The following PIGN variants were observed in gnomAD, a reference collection of about 807,000 sequenced individuals.
PIGN encodes GPI ethanolamine phosphate transferase 1.
In PIGN, 117 loss-of-function variants were observed where a neutral mutation model predicts 125.4. That is an observed-to-expected ratio of 0.93 (90% CI 0.80 to 1.09). The LOEUF (loss-of-function observed/expected upper bound fraction) is 1.09, where lower values mean the gene tolerates loss of function less well. Ranked by LOEUF, PIGN falls within the 50% of genes least tolerant of loss-of-function variation. The pLI, the probability that PIGN is intolerant of heterozygous loss-of-function variation, is 0.00. For missense variants in PIGN, 1,075 were observed against 1,094.9 expected, an observed-to-expected ratio of 0.98 and a Z score of 0.26; for synonymous variants, 392 against 377.8, an observed-to-expected ratio of 1.04 and a Z score of -0.44.
In PIGN at chr18:62,056,054, TAAA is replaced by T. The variant is rs766579368; in HGVS notation, c.2673-10078_2673-10076del. ...CAAAAGTAATTGTGGTTTTTGCCAC[TAAA>T]AAAAAAAAAAAAGGCAAAAACCGCA... is the stretch of plus-strand genomic sequence containing the variant. On this transcript the variant is annotated intron_variant, in intron 30 of 30. Coordinates refer to ENST00000640252, the MANE Select transcript of PIGN (RefSeq NM_176787.5). 1.5e-4 allele frequency among the ~76,000 whole-genome samples: 15 copies of T among 97,888 alleles called. No homozygotes were observed. In the East Asian group the frequency reaches 1.6e-3, roughly 11 times the overall value. 64.2% of individuals were successfully genotyped at this position (97,888 alleles called of 152,430 possible). A position where few individuals can be genotyped will look rare whatever the true frequency, so the allele number is the denominator to read the frequency against.
intron 14 of PIGN, among the ~76,000 whole-genome samples, chr18:62,121,750 T>A (rs1322903961): frequency 6.6e-6 from 1 of 152,182 alleles, no homozygotes; most frequent in Non-Finnish European, 1.5e-5. Context: ...TATACCATAT[T>A]TTCTTTATCC....
intron 6 of PIGN, among the ~76,000 whole-genome samples, chr18:62,156,863 C>G (rs1568239297): frequency 6.6e-6 from 1 of 151,948 alleles, no homozygotes; most frequent in Non-Finnish European, 1.5e-5. Flanking sequence ...ATAAATTGCT[C>G]AAGATTATAT....
At chr18:62,123,626 C>T (rs865971934) in intron 14 of PIGN, 5 of 152,078 alleles carry the variant, frequency 3.3e-5, no homozygotes, top group Admixed American at 3.3e-4. Context: ...ATTCATTTCA[C>T]CTTTTGAATT....
At chr18:62,164,676 C>T (rs1187467738) in intron 1 of PIGN, among the ~76,000 whole-genome samples, 3 of 152,116 alleles carry the variant, frequency 2.0e-5, no homozygotes, top group African/African-American at 7.2e-5. Context: ...GGTGGGGACG[C>T]AGAGCCAAAC....
intron 1 of PIGN, chr18:62,174,540 T>A (rs1404400869): frequency 1.3e-5 from 2 of 152,198 alleles, no homozygotes; most frequent in Non-Finnish European, 2.9e-5. Flanking sequence ...CAGCTCATAC[T>A]GTTATTTAAT....
At position 62,108,807 on chromosome 18, in the gene PIGN, C is replaced by T. The variant is rs187773635; in HGVS notation, c.1574+1027G>A. Among the ~76,000 whole-genome samples the T allele has an allele frequency of 6.6e-3, 1,003 of 152,210 alleles. 6 individuals carry two copies. The highest frequency in any genetic ancestry group is 0.011 in the Non-Finnish European group (725 of 68,000). ...TTTGCCATGTTGGTCAGGCTGGTCTCGAACTCCTGACCTCAAGTGATCCAC... is the reference window on the plus strand; with the variant it reads ...TTTGCCATGTTGGTCAGGCTGGTCTTGAACTCCTGACCTCAAGTGATCCAC... On this transcript the variant is annotated intron_variant, in intron 17 of 30. Transcript: ENST00000640252.
intron 12 of PIGN, among the ~76,000 whole-genome samples, chr18:62,139,959 T>A (rs2036075335): frequency 6.6e-6 from 1 of 152,158 alleles, no homozygotes; most frequent in South Asian, 2.1e-4. Context: ...TAATTTCCCT[T>A]TAAACGAAGT....
chr18:62,137,002 C>T (rs7240812), intron 14 of PIGN: 468 of 398,096 alleles, frequency 1.2e-3, no homozygotes, highest in African/African-American at 8.7e-3. Flanking sequence ...AAGTATTGTT[C>T]CTGGGTATGT....
At position 62,028,159 on chromosome 18, in the gene PIGN, A is replaced by C. The variant is rs140344148; in HGVS notation, c.2143-10418T>G. On this transcript the variant is annotated intron_variant, in intron 23 of 24. Transcript: ENST00000639600. ...TCCCCTAGCTTCTCGTGACAATGAC[A>C]GCGGAGATGATAAGAACAGCTGACA... Among the ~76,000 whole-genome samples the C allele has an allele frequency of 1.9e-3, 289 of 152,328 alleles. 1 individual carries two copies. The highest frequency in any genetic ancestry group is 6.3e-3 in the African/African-American group (264 of 41,592).
chr18:62,186,440 G>A (rs971243761), intron 1 of PIGN: 6 of 152,260 alleles, frequency 3.9e-5, no homozygotes, highest in African/African-American at 1.4e-4. Context: ...GGTCCCTGTT[G>A]TGTAAATCGT....
intron 30 of PIGN, among the ~76,000 whole-genome samples, chr18:62,055,995 C>T (rs569669248): frequency 4.1e-4 from 60 of 146,868 alleles, no homozygotes; most frequent in Non-Finnish European, 7.2e-4. Flanking sequence ...TATGTTACCC[C>T]GGCAAATTTA....
chr18:62,076,650 A>C (rs994808090), intron 28 of PIGN, among the ~76,000 whole-genome samples: 1 of 152,176 alleles, frequency 6.6e-6, no homozygotes, highest in African/African-American at 2.4e-5. Context: ...TTTTTGAATA[A>C]AGTGTGAGGT....
At chr18:62,061,037 G>C (rs541577781) in intron 30 of PIGN, among the ~76,000 whole-genome samples, 1 of 152,262 alleles carries the variant, frequency 6.6e-6, no homozygotes, top group East Asian at 1.9e-4. Context: ...CGATGCCACA[G>C]GTTCTCAAGA....
chr18:62,054,320 A>G (rs2031552681), intron 30 of PIGN, among the ~76,000 whole-genome samples: 1 of 152,014 alleles, frequency 6.6e-6, no homozygotes, highest in Admixed American at 6.6e-5. Flanking sequence ...CCTAGTCTTA[A>G]TACAAAAAGC....
At chr18:62,071,788 CA>C (rs1181017819) in intron 30 of PIGN, among the ~76,000 whole-genome samples, 1 of 148,156 alleles carries the variant, frequency 6.7e-6, no homozygotes, top group Non-Finnish European at 1.5e-5. Flanking sequence ...CTGATAATGA[CA>C]ATAAACAACT....
chr18:62,065,461 G>T (rs538217247), intron 30 of PIGN, among the ~76,000 whole-genome samples: 2 of 152,120 alleles, frequency 1.3e-5, no homozygotes, highest in South Asian at 4.1e-4. Flanking sequence ...AGGCTTGGCG[G>T]GGCGTGGTGG....
rs2030442689 is a variant in PIGN, at chr18:62,043,064, A to T, written c.*2792T>A. ...AAAACAGTAAGGGGAATGTCAACAT[A>T]AAAAAGAACAACTACGAAAAGGTGA... On this transcript the variant is annotated 3_prime_UTR_variant, in exon 31 of 31. Coordinates refer to ENST00000640252, the MANE Select transcript of PIGN (RefSeq NM_176787.5). 1.3e-5 allele frequency: 2 copies of T among 152,214 alleles called. No homozygotes were observed. Among genetic ancestry groups the T allele is most frequent in the Non-Finnish European group, 2.9e-5 (2 of 68,034 alleles). 9.4% of individuals were successfully genotyped at this position (152,214 alleles called of 1,614,324 possible).
chr18:62,142,007 G>A (rs1488087676), intron 11 of PIGN, among the ~76,000 whole-genome samples: 1 of 152,164 alleles, frequency 6.6e-6, no homozygotes, highest in East Asian at 1.9e-4. Context: ...CGACTTCTCA[G>A]GAAGCCTTTG....
chr18:62,105,459 C>T, intron 20 of PIGN, 84 bp downstream of exon 20: 2 of 755,912 alleles, frequency 2.6e-6, no homozygotes, highest in South Asian at 1.7e-5. Flanking sequence ...ATATTCTTGA[C>T]CAAGATTAGG....
Sources: allele counts gnomAD v4.1 joint callset (sites outside exome capture counted in the v4.1 genomes callset), GRCh38; gene constraint gnomAD v4.1.1; transcripts MANE v1.5; gene names NCBI Gene and HGNC (gene_info 2026-07-23, HGNC 2026-07-21).